Variants in KPNA3 observed in about 807,000 individuals in gnomAD.
KPNA3 encodes karyopherin subunit alpha 3.
KPNA3 carries 13 observed loss-of-function variants against 73.8 expected under a neutral mutation model. That is an observed-to-expected ratio of 0.18 (90% confidence interval 0.11 to 0.28). The LOEUF (loss-of-function observed/expected upper bound fraction) is 0.28, where lower values mean the gene tolerates loss of function less well. Ranked by LOEUF, KPNA3 falls within the 10% of genes least tolerant of loss-of-function variation. The probability of loss-of-function intolerance (pLI) is 1.00; values close to 1 mark genes in which losing one functional copy is unlikely to be tolerated. For missense variants in KPNA3, 360 were observed against 618.1 expected, an observed-to-expected ratio of 0.58 and a Z score of 4.43; for synonymous variants, 186 against 206.9, an observed-to-expected ratio of 0.90 and a Z score of 0.87.
At chr13:49,787,782 C>A (rs967153631) in intron 1 of KPNA3, among the ~76,000 whole-genome samples, 1 of 151,316 alleles carries the variant, frequency 6.6e-6, no homozygotes, top group South Asian at 2.1e-4. Context: ...CGGGTTCACG[C>A]CATTCTCCTG....
intron 12 of KPNA3, among the ~76,000 whole-genome samples, chr13:49,708,323 G>A (rs924059560): frequency 4.6e-5 from 7 of 152,032 alleles, no homozygotes; most frequent in African/African-American, 1.5e-4. Context: ...ACCACAATGA[G>A]ACACCACTTC....
intron 6 of KPNA3, among the ~76,000 whole-genome samples, chr13:49,726,400 A>C (rs1015345882): frequency 6.6e-6 from 1 of 152,256 alleles, no homozygotes; most frequent in East Asian, 1.9e-4. Context: ...ACAGTGGGAA[A>C]TAAAACAGGT....
intron 7 of KPNA3, among the ~76,000 whole-genome samples, chr13:49,723,880 A>AG (rs1353411291): frequency 6.6e-6 from 1 of 151,380 alleles, no homozygotes; most frequent in Non-Finnish European, 1.5e-5. Flanking sequence ...AAAAAAAAAA[A>AG]AAAAGAAAAG....
intron 1 of KPNA3, among the ~76,000 whole-genome samples, chr13:49,784,762 T>C (rs1201449955): frequency 6.6e-6 from 1 of 152,158 alleles, no homozygotes; most frequent in Non-Finnish European, 1.5e-5. Context: ...GTGTCTGCGG[T>C]GCCTACGATG....
chr13:49,704,431 TAAAAAATAAATAAATA>T lies in KPNA3; in HGVS notation c.1372+1174_1372+1189del, dbSNP rs1363241361. Among the ~76,000 whole-genome samples, 131 of 52,380 alleles carry T rather than the reference TAAAAAATAAATAAATA, an allele frequency of 2.5e-3. 1 individual carries two copies. In the East Asian group the frequency reaches 0.1, roughly 42 times the overall value. 34.4% of individuals were successfully genotyped at this position (52,380 alleles called of 152,430 possible). A position where few individuals can be genotyped will look rare whatever the true frequency, so the allele number is the denominator to read the frequency against. On this transcript the variant is annotated intron_variant, in intron 15 of 16. Transcript: ENST00000261667. ...CTGTCTCAAAAAAAAAATAAATAAATAAAAAATAAATAAATAAATAAATAAATAAATAAATAAATAA... is the reference window on the plus strand; with the variant it reads ...CTGTCTCAAAAAAAAAATAAATAAATAATAAATAAATAAATAAATAAATAA...
At chr13:49,735,167 G>A (rs1206301765) in intron 2 of KPNA3, among the ~76,000 whole-genome samples, 1 of 152,080 alleles carries the variant, frequency 6.6e-6, no homozygotes, top group Admixed American at 6.6e-5. Context: ...TTGTTGCCCA[G>A]GCTGCAGTGC....
At chr13:49,775,162 C>CAAAA (rs60494803) in intron 1 of KPNA3, among the ~76,000 whole-genome samples, 11 of 93,076 alleles carry the variant, frequency 1.2e-4, no homozygotes, top group African/African-American at 4.4e-4. Flanking sequence ...GACTCTGTCT[C>CAAAA]AAAAAAAAAA....
intron 1 of KPNA3, among the ~76,000 whole-genome samples, chr13:49,756,204 A>G (rs1284201382): frequency 6.6e-6 from 1 of 151,944 alleles, no homozygotes; most frequent in Admixed American, 6.6e-5. Context: ...AGCTCGGGAG[A>G]CGGAGGCTGC....
chr13:49,792,658 G>C lies in KPNA3; in HGVS notation c.-152C>G, dbSNP rs1180442051. The C allele has an allele frequency of 1.9e-6, 1 of 517,122 alleles. No homozygotes were observed. The highest frequency in any genetic ancestry group is 3.3e-6 in the Non-Finnish European group (1 of 299,172). 32.0% of individuals were successfully genotyped at this position (517,122 alleles called of 1,614,324 possible). On this transcript the variant is annotated 5_prime_UTR_variant, in exon 1 of 17. Coordinates refer to ENST00000261667, the MANE Select transcript of KPNA3 (RefSeq NM_002267.4). Reference sequence around the variant, plus strand: ...CGCCTCCGAGCGCGAGGTGGCAGTAGCGCCGGGGGAGGCGCGGGCCGACTG... The same window carrying C: ...CGCCTCCGAGCGCGAGGTGGCAGTACCGCCGGGGGAGGCGCGGGCCGACTG...
rs762275825 is a variant in KPNA3 at position 49,701,557 on chromosome 13, G to A, written c.*243C>T. ...GGCACCAGGGAACAGGGAAAAATAGGGTAGTTGAGATTGTTAAGGAGAGTT... is the reference window on the plus strand; with the variant it reads ...GGCACCAGGGAACAGGGAAAAATAGAGTAGTTGAGATTGTTAAGGAGAGTT... On this transcript the variant is annotated 3_prime_UTR_variant, in exon 17 of 17. Coordinates refer to ENST00000261667, the MANE Select transcript of KPNA3 (RefSeq NM_002267.4). 7.5e-5 allele frequency: 45 copies of A among 598,252 alleles called. No individual in the cohort carries two copies. The Middle Eastern group carries it at 8.0e-4, about 11-fold the overall frequency. The allele number at this position is 598,252 out of a possible 1,614,324, so 37.1% of individuals were successfully genotyped here.
chr13:49,780,514 C>T (rs1445974741), intron 1 of KPNA3, among the ~76,000 whole-genome samples: 2 of 152,018 alleles, frequency 1.3e-5, no homozygotes, highest in African/African-American at 2.4e-5. Flanking sequence ...CCATCTGAGA[C>T]CTTGAGGGTT....
At chr13:49,771,217 T>G (rs1205375855) in intron 1 of KPNA3, among the ~76,000 whole-genome samples, 2 of 152,058 alleles carry the variant, frequency 1.3e-5, no homozygotes, top group African/African-American at 2.4e-5. Context: ...TATGGGAAAT[T>G]GCATTGAATC....
chr13:49,789,056 G>A (rs1024350278), intron 1 of KPNA3, among the ~76,000 whole-genome samples: 8 of 152,076 alleles, frequency 5.3e-5, no homozygotes, highest in Non-Finnish European at 7.4e-5. Context: ...AGACAACAGC[G>A]CTATTTCTCC....
At chr13:49,713,212 T>G (rs764110630) in intron 10 of KPNA3, among the ~76,000 whole-genome samples, 1 of 151,950 alleles carries the variant, frequency 6.6e-6, no homozygotes, top group Non-Finnish European at 1.5e-5. Context: ...CAAAGTTAAA[T>G]CCCACAATTT....
intron 15 of KPNA3, among the ~76,000 whole-genome samples, chr13:49,704,436 AATAAATAAATAAAT>A (rs1954184131): frequency 2.8e-3 from 19 of 6,726 alleles, no homozygotes; most frequent in Non-Finnish European, 3.9e-3. Flanking sequence ...ATAAATAAAA[AATAAATAAATAAAT>A]AAATAAATAA....
chr13:49,737,271 G>T (rs1186672161), intron 2 of KPNA3, among the ~76,000 whole-genome samples: 1 of 152,158 alleles, frequency 6.6e-6, no homozygotes, highest in Non-Finnish European at 1.5e-5. Flanking sequence ...ACAAAAAACT[G>T]ACAAACTGTT....
At chr13:49,772,624 G>A (rs981221595) in intron 1 of KPNA3, among the ~76,000 whole-genome samples, 2 of 152,108 alleles carry the variant, frequency 1.3e-5, no homozygotes, top group Admixed American at 6.5e-5. Context: ...CCAACGTGGT[G>A]AAACCCCATC....
At chr13:49,728,720 T>C (rs1346365161) in intron 6 of KPNA3, among the ~76,000 whole-genome samples, 1 of 152,186 alleles carries the variant, frequency 6.6e-6, no homozygotes, top group African/African-American at 2.4e-5. Context: ...CAAAGAATGA[T>C]AACACCTGCT....
intron 1 of KPNA3, among the ~76,000 whole-genome samples, chr13:49,783,698 C>G (rs1170444805): frequency 7.2e-5 from 11 of 152,120 alleles, no homozygotes. Flanking sequence ...TACTGGATAC[C>G]AAGAAGTTAC....
Sources: gnomAD v4.1 joint callset for allele counts (sites outside exome capture counted in the v4.1 genomes callset) on GRCh38, gnomAD v4.1.1 for gene constraint, MANE v1.5 for transcripts, NCBI Gene and HGNC (gene_info 2026-07-23, HGNC 2026-07-21) for gene names.